The following TRIM43B variants were observed in gnomAD, a reference collection of about 807,000 sequenced individuals.
TRIM43B encodes the protein tripartite motif containing 43B, also known as tripartite motif-containing protein 43B.
A neutral mutation model predicts 27.0 loss-of-function variants in TRIM43B; 15 were observed. The ratio of observed to expected loss-of-function variants is 0.55; its 90% CI spans 0.37 to 0.85. TRIM43B has a LOEUF of 0.85. Ranked by LOEUF, TRIM43B falls within the 40% of genes least tolerant of loss-of-function variation. The pLI, the probability that TRIM43B is intolerant of heterozygous loss-of-function variation, is 0.00. For missense variants in TRIM43B, 172 were observed against 289.8 expected (o/e 0.59, Z 2.95); for synonymous variants, 69 against 97.8 (o/e 0.71, Z 1.74).
chr2:95,480,653 G>C, intron 3 of TRIM43B, 118 bp from the exon 4 acceptor site: 2 of 811,430 alleles, frequency 2.5e-6, no homozygotes, highest in Non-Finnish European at 1.9e-6. Flanking sequence ...ACAGGATGAT[G>C]AGTTAAGCAA....
chr2:95,482,715 T>C, exon 2 of TRIM43B: 2 of 1,611,518 alleles, frequency 1.2e-6, no homozygotes, highest in African/African-American at 1.3e-5. Flanking sequence ...CTGAGTCCAT[T>C]TTCCTAAGGA....
At chr2:95,484,561 T>C (rs1244123064) in intron 1 of TRIM43B, 45 bp downstream of exon 1, 1 of 152,118 alleles carries the variant, frequency 6.6e-6, no homozygotes, top group Non-Finnish European at 1.5e-5. Flanking sequence ...TTTGTTTTGG[T>C]TTGTAACCTA....
intron 1 of TRIM43B, among the ~76,000 whole-genome samples, chr2:95,483,676 A>G (rs1318123117): frequency 1.3e-5 from 2 of 151,750 alleles, no homozygotes; most frequent in Non-Finnish European, 2.9e-5. Context: ...AAAATACAAA[A>G]AATTAGCCGG....
intron 1 of TRIM43B, among the ~76,000 whole-genome samples, chr2:95,483,696 A>G (rs1273157331): frequency 3.3e-5 from 5 of 151,808 alleles, no homozygotes; most frequent in Non-Finnish European, 7.4e-5. Context: ...GGAGTGGTGG[A>G]GGACGCCTGT....
At chr2:95,482,390 T>G in exon 2 of TRIM43B, 1 of 1,605,204 alleles carries the variant, frequency 6.2e-7, no homozygotes, top group Non-Finnish European at 8.5e-7. Flanking sequence ...CAGAGGAGAC[T>G]CTTGTCCATG....
At chr2:95,480,755 C>G (rs2104400334) in intron 3 of TRIM43B, among the ~76,000 whole-genome samples, 1 of 152,118 alleles carries the variant, frequency 6.6e-6, no homozygotes, top group South Asian at 2.1e-4. Flanking sequence ...ATCGGAAATA[C>G]AATTAGAAAA....
intron 3 of TRIM43B, among the ~76,000 whole-genome samples, chr2:95,481,346 G>C (rs1461083162): frequency 2.6e-5 from 4 of 152,034 alleles, no homozygotes; most frequent in Non-Finnish European, 4.4e-5. Flanking sequence ...ACAGAAAACT[G>C]TCTGAAATAC....
exon 2 of TRIM43B, chr2:95,482,348 C>T (rs1482103113): frequency 1.9e-6 from 3 of 1,611,270 alleles, no homozygotes; most frequent in Non-Finnish European, 2.5e-6. Context: ...TGTTTGTGAG[C>T]CCCGTGCTCC....
chr2:95,480,246 G>A (rs912585377), intron 4 of TRIM43B, 59 bp downstream of exon 4: 1,410 of 1,497,630 alleles, frequency 9.4e-4, no homozygotes, highest in Non-Finnish European at 5.2e-4. Flanking sequence ...CCCAATGGAA[G>A]GCAAAGATGT....
At chr2:95,481,047 C>T (rs1301868048) in intron 3 of TRIM43B, among the ~76,000 whole-genome samples, 2 of 151,968 alleles carry the variant, frequency 1.3e-5, no homozygotes, top group Non-Finnish European at 2.9e-5. Flanking sequence ...ATTCTAAGAA[C>T]ATTAATCCCC....
intron 1 of TRIM43B, among the ~76,000 whole-genome samples, chr2:95,483,213 C>T (rs967770873): frequency 2.0e-5 from 3 of 152,064 alleles, no homozygotes; most frequent in African/African-American, 4.8e-5. Context: ...GAGCAGAACT[C>T]ATACTTTGAC....
At chr2:95,484,266 G>A (rs1301162946) in intron 1 of TRIM43B, among the ~76,000 whole-genome samples, 3 of 151,892 alleles carry the variant, frequency 2.0e-5, no homozygotes, top group Non-Finnish European at 4.4e-5. Context: ...CAGCTACTCT[G>A]GAGGCGGAGG....
intron 1 of TRIM43B, among the ~76,000 whole-genome samples, chr2:95,484,097 G>A (rs1414435350): frequency 6.8e-6 from 1 of 148,114 alleles, no homozygotes; most frequent in African/African-American, 2.5e-5. Context: ...AAGGCCGGGC[G>A]CGGTGGCTCA....
At chr2:95,481,255 C>T (rs948475934) in intron 3 of TRIM43B, among the ~76,000 whole-genome samples, 13 of 151,978 alleles carry the variant, frequency 8.6e-5, no homozygotes, top group African/African-American at 1.4e-4. Flanking sequence ...TTTCTTCCCC[C>T]GGACAATACC....
At chr2:95,480,591 A>C in intron 3 of TRIM43B, 56 bp from the exon 4 acceptor site, 1 of 1,596,378 alleles carries the variant, frequency 6.3e-7, no homozygotes, top group Non-Finnish European at 8.5e-7. Flanking sequence ...CACCTCACAG[A>C]GCCCACAACT....
Position 95,481,594 on chromosome 2 carries a change from C to G in TRIM43B, c.507+1G>C, listed in dbSNP as rs1683523982. ...AGGAGGACTCACGGTCTCATACTTA[C>G]CCTCAAGAGGAAGGCTGTTCTTCTC... On this transcript the variant is annotated splice_donor_variant, in intron 3 of 6. Transcript: ENST00000639673. LOFTEE classifies it high-confidence loss of function. 6.2e-7 allele frequency: 1 copy of G among 1,610,676 alleles called. No individual in the cohort carries two copies. Among genetic ancestry groups the G allele is most frequent in the East Asian group, 2.2e-5 (1 of 44,836 alleles).
chr2:95,483,306 A>G (rs1683571428), intron 1 of TRIM43B, among the ~76,000 whole-genome samples: 1 of 152,136 alleles, frequency 6.6e-6, no homozygotes, highest in South Asian at 2.1e-4. Flanking sequence ...TAAAGCTAAG[A>G]ATCATTGTTT....
At chr2:95,483,563 A>C (rs1233167275) in intron 1 of TRIM43B, among the ~76,000 whole-genome samples, 4 of 151,526 alleles carry the variant, frequency 2.6e-5, no homozygotes, top group African/African-American at 9.7e-5. Context: ...TGACGCCTGT[A>C]ATCCGAGCAC....
chr2:95,481,228 T>C (rs1315206175), intron 3 of TRIM43B, among the ~76,000 whole-genome samples: 2 of 152,094 alleles, frequency 1.3e-5, no homozygotes, highest in Non-Finnish European at 2.9e-5. Flanking sequence ...ATTTCTTAAA[T>C]TACTGTTCCC....
Sources: allele counts gnomAD v4.1 joint callset (sites outside exome capture counted in the v4.1 genomes callset), GRCh38; gene constraint gnomAD v4.1.1; transcripts MANE v1.5; gene names NCBI Gene and HGNC (gene_info 2026-07-23, HGNC 2026-07-21).